Variants in ASIC2 observed in about 807,000 individuals in gnomAD.
ASIC2 encodes the protein acid sensing ion channel subunit 2.
Under a neutral mutation model 57.3 loss-of-function variants are expected in ASIC2, and 25 were observed. The ratio of observed to expected loss-of-function variants is 0.44; its 90% CI spans 0.32 to 0.61. ASIC2 has a LOEUF of 0.61. ASIC2 is among the 20% of genes least tolerant of loss of function. The probability of loss-of-function intolerance (pLI) is 0.06; values close to 1 mark genes in which losing one functional copy is unlikely to be tolerated. For synonymous variants in ASIC2, 319 were observed against 307.5 expected, an observed-to-expected ratio of 1.04 and a Z score of -0.39; for missense variants, 641 against 738.1, an observed-to-expected ratio of 0.87 and a Z score of 1.52.
chr17:33,849,458 AAGTGACTAAACC>A lies in ASIC2; in HGVS notation c.555+306508_555+306519del, dbSNP rs539405102. On this transcript the variant is annotated intron_variant, in intron 1 of 9. Transcript: ENST00000359872. ...ACCTACTCAAGGTCCCATGGTTAGT[AAGTGACTAAACC>A]AGGATCCAAGCCTACGTTTCTCTGA... Among the ~76,000 whole-genome samples, 4 of 152,270 alleles carry A rather than the reference AAGTGACTAAACC, an allele frequency of 2.6e-5. No individual in the cohort carries two copies. The South Asian group carries it at 8.3e-4, about 32-fold the overall frequency.
chr17:33,253,142 A>G (rs902829738), intron 1 of ASIC2, among the ~76,000 whole-genome samples: 8 of 152,232 alleles, frequency 5.3e-5, no homozygotes, highest in Non-Finnish European at 1.2e-4. Context: ...CACTTTGTAG[A>G]TGAAGAAACA....
intron 1 of ASIC2, among the ~76,000 whole-genome samples, chr17:33,631,173 G>A (rs958093520): frequency 2.0e-5 from 3 of 152,186 alleles, no homozygotes; most frequent in Non-Finnish European, 4.4e-5. Flanking sequence ...TACAGGTCAA[G>A]CAATGCCAGC....
At chr17:33,480,472 C>G (rs752350967) in intron 1 of ASIC2, among the ~76,000 whole-genome samples, 3 of 151,934 alleles carry the variant, frequency 2.0e-5, no homozygotes, top group South Asian at 2.1e-4. Context: ...GAGAAAGGAG[C>G]CTTCATAAAC....
At chr17:33,678,244 A>C (rs1907888578) in intron 1 of ASIC2, among the ~76,000 whole-genome samples, 2 of 152,196 alleles carry the variant, frequency 1.3e-5, no homozygotes, top group Admixed American at 1.3e-4. Flanking sequence ...CCACAGTATA[A>C]TGTAAATGCA....
intron 1 of ASIC2, among the ~76,000 whole-genome samples, chr17:33,966,825 TC>T (rs1246834576): frequency 6.6e-6 from 1 of 152,232 alleles, no homozygotes; most frequent in Admixed American, 6.5e-5. Flanking sequence ...ATCCTTAGCT[TC>T]CGCAATCTGG....
chr17:33,218,332 C>T (rs573098171), intron 1 of ASIC2, among the ~76,000 whole-genome samples: 7 of 152,290 alleles, frequency 4.6e-5, no homozygotes, highest in Admixed American at 1.3e-4. Flanking sequence ...GACATGTGCT[C>T]TCTCCTGCTT....
At chr17:33,455,363 T>A (rs777597514) in intron 1 of ASIC2, among the ~76,000 whole-genome samples, 11 of 152,296 alleles carry the variant, frequency 7.2e-5, no homozygotes, top group Non-Finnish European at 1.5e-4. Context: ...CCTCCAGTAG[T>A]CCCGTGTCTA....
At chr17:33,581,067 A>T (rs1360514996) in intron 1 of ASIC2, 1 of 152,222 alleles carries the variant, frequency 6.6e-6, no homozygotes, top group Non-Finnish European at 1.5e-5. Context: ...TGCAGATGTA[A>T]TTAAGGTTAC....
At chr17:33,224,493 A>T (rs112159258) in intron 1 of ASIC2, among the ~76,000 whole-genome samples, 1 of 152,186 alleles carries the variant, frequency 6.6e-6, no homozygotes, top group African/African-American at 2.4e-5. Flanking sequence ...GTCGATCAAC[A>T]AATTGGCTAA....
intron 1 of ASIC2, among the ~76,000 whole-genome samples, chr17:33,644,804 G>T (rs772811651): frequency 6.6e-5 from 10 of 152,136 alleles, no homozygotes; most frequent in Non-Finnish European, 1.5e-4. Flanking sequence ...AAACTAACAG[G>T]CATGGTTTTC....
intron 1 of ASIC2, among the ~76,000 whole-genome samples, chr17:33,594,792 C>T (rs1216329123): frequency 6.8e-6 from 1 of 148,026 alleles, no homozygotes; most frequent in African/African-American, 2.5e-5. Flanking sequence ...CGCACCACTG[C>T]ACTTCAGCCT....
intron 1 of ASIC2, among the ~76,000 whole-genome samples, chr17:33,546,384 A>G (rs535341777): frequency 1.1e-4 from 16 of 152,160 alleles, no homozygotes; most frequent in Non-Finnish European, 2.2e-4. Context: ...AAATGGAGAT[A>G]GGAGAAATGC....
intron 1 of ASIC2, among the ~76,000 whole-genome samples, chr17:33,299,967 C>A (rs1397231959): frequency 6.6e-6 from 1 of 152,222 alleles, no homozygotes; most frequent in Non-Finnish European, 1.5e-5. Context: ...ATAAAGGGCA[C>A]AACCAGAATC....
chr17:33,703,616 G>C (rs958271976), intron 1 of ASIC2, among the ~76,000 whole-genome samples: 1 of 152,138 alleles, frequency 6.6e-6, no homozygotes, highest in Non-Finnish European at 1.5e-5. Context: ...GCCTCCCAAA[G>C]TACTGGGATT....
chr17:33,561,302 G>A (rs1373564246), intron 1 of ASIC2, among the ~76,000 whole-genome samples: 3 of 152,266 alleles, frequency 2.0e-5, no homozygotes, highest in Non-Finnish European at 4.4e-5. Flanking sequence ...CCATGCCTGT[G>A]TGCTTGGCTT....
chr17:33,619,841 GA>G (rs111653636), intron 1 of ASIC2, among the ~76,000 whole-genome samples: 4,777 of 147,076 alleles, frequency 0.032, 156 homozygotes, highest in African/African-American at 0.082. Flanking sequence ...GATATTATTT[GA>G]AAAAAAAAAA....
At chr17:33,735,921 C>T (rs1909896721) in intron 1 of ASIC2, among the ~76,000 whole-genome samples, 1 of 152,082 alleles carries the variant, frequency 6.6e-6, no homozygotes, top group Admixed American at 6.5e-5. Context: ...TTCAAATTTT[C>T]CTTTGGCATG....
chr17:33,733,986 C>T (rs917422748), intron 1 of ASIC2, among the ~76,000 whole-genome samples: 1 of 152,210 alleles, frequency 6.6e-6, no homozygotes, highest in Non-Finnish European at 1.5e-5. Context: ...CTCATGACTA[C>T]TTCACACCCT....
intron 1 of ASIC2, among the ~76,000 whole-genome samples, chr17:33,165,442 C>T: frequency 6.6e-6 from 1 of 151,918 alleles, no homozygotes; most frequent in Admixed American, 6.6e-5. Flanking sequence ...AAGCACTGGG[C>T]TGTCTTCTAA....
Sources: allele counts gnomAD v4.1 joint callset (sites outside exome capture counted in the v4.1 genomes callset), GRCh38; gene constraint gnomAD v4.1.1; transcripts MANE v1.5; gene names NCBI Gene and HGNC (gene_info 2026-07-23, HGNC 2026-07-21).